The following RYR2 variants were observed in gnomAD, a reference collection of about 807,000 sequenced individuals.
RYR2 encodes the protein cardiac muscle ryanodine receptor-calcium release channel.
In RYR2, 227 loss-of-function variants were observed where a neutral mutation model predicts 601.1. That is an observed-to-expected ratio of 0.38 (90% CI 0.34 to 0.42). RYR2 has a LOEUF of 0.42. Ranked by LOEUF, RYR2 falls within the 10% of genes least tolerant of loss-of-function variation. The pLI, the probability that RYR2 is intolerant of heterozygous loss-of-function variation, is 1.00. For synonymous variants in RYR2, 2,223 were observed against 2,175.1 expected, an observed-to-expected ratio of 1.02 and a Z score of -0.61; for missense variants, 4,646 against 6,156.5, an observed-to-expected ratio of 0.75 and a Z score of 8.21.
rs372952278 is a variant in RYR2 at position 237,071,961 on chromosome 1, C to G, written c.48+29392C>G. Among the ~76,000 whole-genome samples the G allele has an allele frequency of 1.8e-4, 27 of 152,362 alleles. No homozygotes were observed. The East Asian group carries it at 3.3e-3, about 19-fold the overall frequency. ...AGGTCGCGATAGCGCCCGGGCTCGG[C>G]TTCTACTTTACTCTGAAATTGGAGC... is the stretch of plus-strand genomic sequence containing the variant. On this transcript the variant is annotated intron_variant, in intron 1 of 104. Transcript: ENST00000366574.
At chr1:237,789,691 T>A (rs1157529748) in intron 92 of RYR2, among the ~76,000 whole-genome samples, 1 of 152,260 alleles carries the variant, frequency 6.6e-6, no homozygotes, top group Non-Finnish European at 1.5e-5. Flanking sequence ...AGATTTTGCT[T>A]CCAGCTTTCA....
intron 1 of RYR2, among the ~76,000 whole-genome samples, chr1:237,119,557 G>T (rs148770129): frequency 8.5e-5 from 13 of 152,300 alleles, no homozygotes; most frequent in African/African-American, 3.1e-4. Context: ...CAGATGGGCC[G>T]TTCAGGTTCC....
Position 237,610,741 on chromosome 1 carries a change from T to A in RYR2, c.4684-21T>A, listed in dbSNP as rs753824281. 2.6e-6 allele frequency: 4 copies of A among 1,561,656 alleles called. No homozygotes were observed. Among genetic ancestry groups the A allele is most frequent in the Non-Finnish European group, 3.5e-6 (4 of 1,149,826 alleles). On this transcript the variant is annotated intron_variant, in intron 35 of 104. Coordinates refer to ENST00000366574, the MANE Select transcript of RYR2 (RefSeq NM_001035.3). This position sits in a 1 kb window ranked among gnomAD's most constrained non-coding sequence, Gnocchi z 4.9. ...AAGGGATGTTCTACATTTATTCTTT[T>A]TCTGCCTCCCCATCCGCTAGAATGT...
At chr1:237,479,703 C>T (rs1030074901) in intron 17 of RYR2, among the ~76,000 whole-genome samples, 7 of 152,122 alleles carry the variant, frequency 4.6e-5, no homozygotes, top group Non-Finnish European at 1.0e-4. Context: ...ACAGGGAGAC[C>T]CAGAGTCTTA....
chr1:237,627,765 C>T (rs763222782), intron 40 of RYR2, 42 bp from the exon 41 acceptor site: 2 of 1,515,348 alleles, frequency 1.3e-6, no homozygotes, highest in Non-Finnish European at 1.8e-6. Context: ...GATTTGTCTT[C>T]TCTTATTTTT....
intron 52 of RYR2, 79 bp from the exon 53 acceptor site, chr1:237,655,742 C>T (rs538526264): frequency 1.4e-4 from 192 of 1,346,656 alleles, no homozygotes; most frequent in Non-Finnish European, 1.9e-4. Flanking sequence ...TCTTCTGCAA[C>T]CTTCTGTCAG....
At chr1:237,114,564 A>G (rs1280841021) in intron 1 of RYR2, among the ~76,000 whole-genome samples, 3 of 152,154 alleles carry the variant, frequency 2.0e-5, no homozygotes, top group Admixed American at 6.5e-5. Context: ...TAAAGCTGCT[A>G]CTCTTCCATT....
intron 100 of RYR2, among the ~76,000 whole-genome samples, chr1:237,815,841 T>C (rs1344244400): frequency 6.6e-6 from 1 of 152,200 alleles, no homozygotes; most frequent in Non-Finnish European, 1.5e-5. Context: ...AATACCAACA[T>C]GCTACTCATT....
chr1:237,131,752 G>T, intron 1 of RYR2, among the ~76,000 whole-genome samples: 1 of 151,690 alleles, frequency 6.6e-6, no homozygotes. Context: ...GTAGAGTCTT[G>T]CTCTGTCACC....
intron 6 of RYR2, among the ~76,000 whole-genome samples, chr1:237,370,128 T>C (rs1700522393): frequency 6.6e-6 from 1 of 151,890 alleles, no homozygotes; most frequent in African/African-American, 2.4e-5. Context: ...CTCATGTATA[T>C]ATGCACATAT....
At position 237,533,466 on chromosome 1, in the gene RYR2, T is replaced by C. The variant is rs115105480; in HGVS notation, c.2906+2956T>C. Among the ~76,000 whole-genome samples the C allele has an allele frequency of 8.9e-3, 1,357 of 152,194 alleles. 22 individuals carry two copies. Among genetic ancestry groups the C allele is most frequent in the African/African-American group, 0.031 (1,278 of 41,528 alleles). On this transcript the variant is annotated intron_variant, in intron 25 of 104. Transcript: ENST00000366574. ...GCAGGCAAACTATCATTCATAGCAA[T>C]GTTATTTGGAATAGCTAAAGAATAA... is the stretch of plus-strand genomic sequence containing the variant.
At chr1:237,665,249 A>G (rs1684202358) in intron 56 of RYR2, among the ~76,000 whole-genome samples, 1 of 152,032 alleles carries the variant, frequency 6.6e-6, no homozygotes, top group Non-Finnish European at 1.5e-5. Context: ...AAATATGAAA[A>G]TTAGCTGGTG....
chr1:237,439,781 A>G (rs938968665), intron 12 of RYR2, among the ~76,000 whole-genome samples: 3 of 152,044 alleles, frequency 2.0e-5, no homozygotes, highest in Non-Finnish European at 2.9e-5. Context: ...TATATAATCC[A>G]TGCACCCATA....
chr1:237,595,623 T>C lies in RYR2; in HGVS notation c.4562T>C (p.Ile1521Thr). 6.2e-7 allele frequency: 1 copy of C among 1,613,382 alleles called. No homozygotes were observed. Among genetic ancestry groups the C allele is most frequent in the Non-Finnish European group, 8.5e-7 (1 of 1,179,662 alleles). Reference protein sequence around the residue: ...VDAASGLLTFIANGKELSTYY... With the variant: ...VDAASGLLTFTANGKELSTYY... The stretch of plus-strand genomic sequence containing the variant: ...GCTGCCAGCGGGCTGCTCACATTCA[T>C]TGCCAATGGCAAGGAACTGAGCACA... Residue 1521 changes from isoleucine (I) to threonine (T), a missense_variant, in exon 34 of 105, where the codon ATT (isoleucine) becomes ACT (threonine). Around this residue, in one of 17 missense-constraint regions of RYR2, gnomAD observed 1,807 missense variants for 2,088.1 expected, o/e 0.87. Transcript: ENST00000366574.
chr1:237,727,166 G>A lies in RYR2; in HGVS notation c.10805G>A (p.Cys3602Tyr). 6.3e-7 allele frequency: 1 copy of A among 1,579,516 alleles called. No homozygotes were observed. Among genetic ancestry groups the A allele is most frequent in the Non-Finnish European group, 8.6e-7 (1 of 1,160,964 alleles). ...CAGAGGAAAAGGGCTGTTGTAGCCT[G>A]CTTCCGGATGGCCCCCTTATATAAT... is the stretch of plus-strand genomic sequence containing the variant. ...SKQRKRAVVA[C>Y]FRMAPLYNLP... The change falls in exon 76 of 105, where the codon TGC (cysteine) becomes TAC (tyrosine). Residue 3602 changes from cysteine (C) to tyrosine (Y), a missense_variant. By Grantham distance (194) the Cys-to-Tyr change is radical (BLOSUM62 -2). Coordinates refer to ENST00000366574, the MANE Select transcript of RYR2 (RefSeq NM_001035.3).
intron 2 of RYR2, among the ~76,000 whole-genome samples, chr1:237,284,695 C>T (rs1182179268): frequency 1.3e-5 from 2 of 149,792 alleles, no homozygotes; most frequent in African/African-American, 4.9e-5. Flanking sequence ...CACACACACA[C>T]ACCCATAAAC....
intron 2 of RYR2, among the ~76,000 whole-genome samples, chr1:237,281,458 A>T (rs1275564716): frequency 6.6e-6 from 1 of 152,234 alleles, no homozygotes; most frequent in Non-Finnish European, 1.5e-5. Flanking sequence ...TCCATTAATT[A>T]TAAGGCAGAT....
Position 237,500,830 on chromosome 1 carries a change from G to A in RYR2, c.2323G>A (p.Val775Ile), listed in dbSNP as rs747893832. The change falls in exon 21 of 105, where the codon GTT becomes ATT. Residue 775 changes from valine (V) to isoleucine (I), a missense_variant. By Grantham distance (29) the Val-to-Ile change is conservative. Coordinates refer to ENST00000366574, the MANE Select transcript of RYR2 (RefSeq NM_001035.3). ...CTCGTTCCGAATTAATGGACAACCT[G>A]TTCAAGGAATGTTTGAGAATTTCAA... ...SISFRINGQP[V>I]QGMFENFNID... 1 of 1,613,912 alleles carries A rather than the reference G, an allele frequency of 6.2e-7. No individual in the cohort carries two copies. The highest frequency in any genetic ancestry group is 1.3e-5 in the African/African-American group (1 of 74,936).
intron 3 of RYR2, among the ~76,000 whole-genome samples, chr1:237,347,755 A>G (rs191393390): frequency 6.6e-6 from 1 of 151,466 alleles, no homozygotes; most frequent in Non-Finnish European, 1.5e-5. Context: ...CTGTGGGAAA[A>G]ACAAAAAACA....
Sources: allele counts gnomAD v4.1 joint callset (sites outside exome capture counted in the v4.1 genomes callset), GRCh38; gene constraint gnomAD v4.1.1; regional missense constraint gnomAD v4.1.1; non-coding constraint Gnocchi (gnomAD v3.1); transcripts MANE v1.5; gene names NCBI Gene and HGNC (gene_info 2026-07-23, HGNC 2026-07-21).